MARCHF1: variants seen among roughly 807,000 people sequenced by gnomAD.
MARCHF1 encodes E3 ubiquitin-protein ligase MARCHF1.
In MARCHF1, 40 loss-of-function variants were observed where a neutral mutation model predicts 54.2. The observed-to-expected ratio is 0.74, with a 90% CI of 0.57 to 0.96. MARCHF1 has a LOEUF of 0.96. Ranked by LOEUF, MARCHF1 falls within the 40% of genes least tolerant of loss-of-function variation. The pLI is 0.00. For synonymous variants in MARCHF1, 236 were observed against 236.3 expected (o/e 1.00, Z 0.01); for missense variants, 586 against 656.5 (o/e 0.89, Z 1.17).
intron 3 of MARCHF1, among the ~76,000 whole-genome samples, chr4:163,859,452 C>A (rs1010945765): frequency 6.6e-6 from 1 of 151,568 alleles, no homozygotes; most frequent in Non-Finnish European, 1.5e-5. Flanking sequence ...CTCTGCCTCC[C>A]AGGTTCAAGC....
chr4:163,535,476 T>G (rs924585348), intron 9 of MARCHF1, among the ~76,000 whole-genome samples: 1 of 152,136 alleles, frequency 6.6e-6, no homozygotes, highest in Admixed American at 6.6e-5. Flanking sequence ...GATTTGTGTA[T>G]TGCATGGAAA....
intron 2 of MARCHF1, among the ~76,000 whole-genome samples, chr4:164,036,195 A>C (rs1753997842): frequency 6.6e-6 from 1 of 151,990 alleles, no homozygotes; most frequent in Non-Finnish European, 1.5e-5. Flanking sequence ...GTGAAATGCT[A>C]TATGTTTTAC....
intron 2 of MARCHF1, among the ~76,000 whole-genome samples, chr4:164,096,177 C>T (rs976946671): frequency 1.3e-5 from 2 of 151,994 alleles, no homozygotes; most frequent in Non-Finnish European, 2.9e-5. Context: ...TGGTGCCCAT[C>T]GATGGTGGAC....
At chr4:164,017,828 T>C (rs930901929) in intron 2 of MARCHF1, among the ~76,000 whole-genome samples, 25 of 72,858 alleles carry the variant, frequency 3.4e-4, no homozygotes, top group African/African-American at 1.1e-3. Flanking sequence ...GCAAAGAACC[T>C]AAATTAGCAA....
chr4:164,307,485 AG>A (rs1334649999), intron 1 of MARCHF1, among the ~76,000 whole-genome samples: 1 of 152,210 alleles, frequency 6.6e-6, no homozygotes, highest in African/African-American at 2.4e-5. Context: ...TAAAACCCAA[AG>A]CTCGTCTCTT....
At chr4:163,609,648 T>TAA (rs549959993) in intron 7 of MARCHF1, among the ~76,000 whole-genome samples, 24 of 150,882 alleles carry the variant, frequency 1.6e-4, no homozygotes, top group African/African-American at 5.8e-4. Flanking sequence ...CGTATATATA[T>TAA]AATACACGTA....
chr4:164,313,802 C>A (rs1734929954), intron 1 of MARCHF1, among the ~76,000 whole-genome samples: 1 of 152,202 alleles, frequency 6.6e-6, no homozygotes, highest in African/African-American at 2.4e-5. Context: ...GAGGGTCAGT[C>A]TGAGCCTCCT....
At chr4:163,944,865 T>C (rs1751994276) in intron 3 of MARCHF1, among the ~76,000 whole-genome samples, 2 of 152,184 alleles carry the variant, frequency 1.3e-5, no homozygotes, top group Non-Finnish European at 2.9e-5. Context: ...AAGAGTAATA[T>C]CAATTTAAAA....
At chr4:163,867,979 T>A (rs895388747) in intron 3 of MARCHF1, among the ~76,000 whole-genome samples, 2 of 151,930 alleles carry the variant, frequency 1.3e-5, no homozygotes, top group African/African-American at 4.8e-5. Context: ...TTTGCCTGGT[T>A]ACTTACCTGT....
intron 3 of MARCHF1, among the ~76,000 whole-genome samples, chr4:163,863,826 T>A (rs748372839): frequency 6.6e-6 from 1 of 151,754 alleles, no homozygotes; most frequent in South Asian, 2.1e-4. Flanking sequence ...CGCTAGAAAG[T>A]AAGGAAATGC....
chr4:163,930,811 A>G (rs1751655708), intron 3 of MARCHF1, among the ~76,000 whole-genome samples: 2 of 152,122 alleles, frequency 1.3e-5, no homozygotes, highest in South Asian at 4.2e-4. Context: ...TTTAAAGTTG[A>G]TGCTGAATAA....
In MARCHF1 at chr4:163,531,700, GT is replaced by G. The variant is rs540694534; in HGVS notation, c.1340-2655del. ...TATAAAATCTCAAAGAACTGATTAA[GT>G]TTTTTTTTTAAATAGGTGATTATGA... On this transcript the variant is annotated intron_variant, in intron 9 of 9. Transcript: ENST00000514618. Among the ~76,000 whole-genome samples the G allele has an allele frequency of 4.6e-3, 684 of 149,510 alleles. 3 individuals carry two copies. Among genetic ancestry groups the G allele is most frequent in the Middle Eastern group, 0.01 (3 of 286 alleles).
intron 4 of MARCHF1, among the ~76,000 whole-genome samples, chr4:163,846,056 T>C (rs1749476428): frequency 1.3e-5 from 2 of 152,228 alleles, no homozygotes; most frequent in South Asian, 4.1e-4. Context: ...ATGGTTATTC[T>C]AATAAAAATT....
At chr4:163,925,253 C>A (rs1751512890) in intron 3 of MARCHF1, among the ~76,000 whole-genome samples, 1 of 151,764 alleles carries the variant, frequency 6.6e-6, no homozygotes, top group Non-Finnish European at 1.5e-5. Flanking sequence ...AGGTTTTATT[C>A]ATACCCGAAG....
At chr4:164,259,081 T>C (rs1263669913) in intron 1 of MARCHF1, among the ~76,000 whole-genome samples, 1 of 152,182 alleles carries the variant, frequency 6.6e-6, no homozygotes, top group African/African-American at 2.4e-5. Context: ...AACGAGTATT[T>C]TTTCAGTAAA....
intron 1 of MARCHF1, among the ~76,000 whole-genome samples, chr4:164,294,594 C>T (rs1259890455): frequency 6.6e-6 from 1 of 152,134 alleles, no homozygotes; most frequent in Non-Finnish European, 1.5e-5. Flanking sequence ...TCTCCTGCCT[C>T]TATGAAATCT....
intron 5 of MARCHF1, among the ~76,000 whole-genome samples, chr4:163,673,143 T>G (rs1214918339): frequency 6.6e-6 from 1 of 152,210 alleles, no homozygotes; most frequent in Non-Finnish European, 1.5e-5. Flanking sequence ...TACATCAAAC[T>G]GAAATAAACA....
intron 2 of MARCHF1, among the ~76,000 whole-genome samples, chr4:164,099,625 T>A (rs1336231251): frequency 6.6e-6 from 1 of 152,104 alleles, no homozygotes; most frequent in East Asian, 1.9e-4. Context: ...GGACAAAAGG[T>A]GAATTCATTA....
intron 1 of MARCHF1, among the ~76,000 whole-genome samples, chr4:164,310,398 C>T (rs1013678932): frequency 2.0e-5 from 3 of 151,992 alleles, no homozygotes; most frequent in African/African-American, 7.2e-5. Context: ...TTGATGGAGG[C>T]ATTCAGTGTG....
Sources: allele counts gnomAD v4.1 joint callset (sites outside exome capture counted in the v4.1 genomes callset), GRCh38; gene constraint gnomAD v4.1.1; transcripts MANE v1.5; gene names NCBI Gene and HGNC (gene_info 2026-07-23, HGNC 2026-07-21).